The following TRA2A variants were observed in gnomAD, a reference collection of about 807,000 sequenced individuals.
The protein encoded by TRA2A is transformer-2 protein homolog alpha.
In TRA2A, 31 loss-of-function variants were observed where a neutral mutation model predicts 45.7. The observed-to-expected ratio is 0.68, with a 90% CI of 0.51 to 0.92. The LOEUF is 0.92. TRA2A is among the 40% of genes least tolerant of loss of function. The probability of loss-of-function intolerance (pLI) is 0.00; values close to 1 mark genes in which losing one functional copy is unlikely to be tolerated. For missense variants in TRA2A, 304 were observed against 367.5 expected (o/e 0.83, Z 1.41); for synonymous variants, 132 against 126.2 (o/e 1.05, Z -0.31).
chr7:23,517,503 A>AAAAAAGAG (rs764849438), intron 2 of TRA2A, among the ~76,000 whole-genome samples: 1 of 116,254 alleles, frequency 8.6e-6, no homozygotes, highest in Admixed American at 1.0e-4. Context: ...AAAAAAAAAA[A>AAAAAAGAG]AGAGAGAAAG....
chr7:23,526,592 G>A (rs1461766034), intron 1 of TRA2A, among the ~76,000 whole-genome samples: 1 of 152,098 alleles, frequency 6.6e-6, no homozygotes, highest in Non-Finnish European at 1.5e-5. Context: ...TCAGCCTATA[G>A]AAAGAACAAC....
intron 7 of TRA2A, 69 bp downstream of exon 7, chr7:23,505,671 TATACTC>T: frequency 1.0e-6 from 1 of 955,644 alleles, no homozygotes. Flanking sequence ...CCTTCCACCT[TATACTC>T]TAATATTCTA....
Position 23,517,060 on chromosome 7 carries a change from G to C in TRA2A, c.171-532C>G, listed in dbSNP as rs1374254329. ...GAGGCAGAGGTTGCAAGCCGAGATT[G>C]CGCCACCGCACTCCAGCATGGTAAC... On this transcript the variant is annotated intron_variant, in intron 2 of 7. Transcript: ENST00000297071. Among the ~76,000 whole-genome samples, 3 of 151,918 alleles carry C rather than the reference G, an allele frequency of 2.0e-5. No homozygotes were observed. The South Asian group carries it at 6.2e-4, about 32-fold the overall frequency.
At chr7:23,528,927 G>A (rs931224371) in intron 1 of TRA2A, among the ~76,000 whole-genome samples, 4 of 152,106 alleles carry the variant, frequency 2.6e-5, no homozygotes, top group Admixed American at 6.6e-5. Flanking sequence ...CTCTTCAACT[G>A]TAGAAAACAT....
At chr7:23,518,262 TTTCCAA>T (rs2127996844) in intron 2 of TRA2A, among the ~76,000 whole-genome samples, 1 of 152,136 alleles carries the variant, frequency 6.6e-6, no homozygotes, top group South Asian at 2.1e-4. Context: ...ATCATTTCCA[TTTCCAA>T]TTCTTCTTTA....
chr7:23,527,502 G>A (rs1281784339), intron 1 of TRA2A, among the ~76,000 whole-genome samples: 2 of 152,016 alleles, frequency 1.3e-5, no homozygotes, highest in African/African-American at 4.8e-5. Flanking sequence ...TTATCTAATG[G>A]GTGAGCACCC....
intron 1 of TRA2A, among the ~76,000 whole-genome samples, chr7:23,528,406 C>A (rs1790428214): frequency 6.6e-6 from 1 of 152,078 alleles, no homozygotes; most frequent in African/African-American, 2.4e-5. Context: ...CTGTATTTCA[C>A]CATATTGGCC....
chr7:23,519,029 T>C (rs765442427), intron 2 of TRA2A, among the ~76,000 whole-genome samples: 1 of 152,178 alleles, frequency 6.6e-6, no homozygotes, highest in Non-Finnish European at 1.5e-5. Flanking sequence ...ATTTCACTTG[T>C]CTACTGCTGC....
intron 4 of TRA2A, among the ~76,000 whole-genome samples, chr7:23,509,062 TCTCAAACTCCTGGG>T (rs1178554954): frequency 6.6e-6 from 1 of 151,884 alleles, no homozygotes; most frequent in Non-Finnish European, 1.5e-5. Context: ...CCCAGGCTGG[TCTCAAACTCCTGGG>T]CTCAAGTAAA....
rs1789399321 is a variant in TRA2A, at chr7:23,507,546, C to G, written c.526-11G>C. ...TGCCCTTTCCATAGCCTATAAAGAA[C>G]AGGCACAAAAAGTCACGTATAATTC... is the stretch of plus-strand genomic sequence containing the variant. On this transcript the variant is annotated splice_polypyrimidine_tract_variant and intron_variant, in intron 4 of 7. Transcript: ENST00000297071. 6.3e-7 allele frequency: 1 copy of G among 1,598,802 alleles called. No individual in the cohort carries two copies. Among genetic ancestry groups the G allele is most frequent in the Non-Finnish European group, 8.6e-7 (1 of 1,166,462 alleles).
intron 2 of TRA2A, among the ~76,000 whole-genome samples, chr7:23,520,707 TA>T (rs1388847614): frequency 3.5e-3 from 330 of 93,198 alleles, no homozygotes; most frequent in Middle Eastern, 0.011. Context: ...TTTTTTTTTT[TA>T]AAAAGAAAGA....
Position 23,531,839 on chromosome 7 carries a change from C to G in TRA2A, c.-15G>C. 6.2e-7 allele frequency: 1 copy of G among 1,613,584 alleles called. No individual in the cohort carries two copies. Among genetic ancestry groups the G allele is most frequent in the Non-Finnish European group, 8.5e-7 (1 of 1,179,964 alleles). On this transcript the variant is annotated 5_prime_UTR_variant, in exon 1 of 8. Coordinates refer to ENST00000297071, the MANE Select transcript of TRA2A (RefSeq NM_013293.5). ...ACATCACTCATGTCGACGAGGCGCT[C>G]CCCAGAACTAAATAAGAGACAAGTC...
At position 23,506,275 on chromosome 7, in the gene TRA2A, A is replaced by G. The variant is rs1182594782; in HGVS notation, c.642-9T>C. The G allele has an allele frequency of 6.3e-7, 1 of 1,595,196 alleles. No individual in the cohort carries two copies. The highest frequency in any genetic ancestry group is 8.5e-7 in the Non-Finnish European group (1 of 1,170,696). On this transcript the variant is annotated splice_polypyrimidine_tract_variant and intron_variant, in intron 5 of 7. Transcript: ENST00000297071. ...CACCACCCCCACCACTACTGCAGAA[A>G]AATGTAAAAATTCTCCATTAGTGTG...
intron 1 of TRA2A, among the ~76,000 whole-genome samples, chr7:23,526,452 T>C (rs1428038687): frequency 6.6e-6 from 1 of 152,188 alleles, no homozygotes; most frequent in Non-Finnish European, 1.5e-5. Flanking sequence ...CACTAGTGCA[T>C]TGAGGAAAAT....
At chr7:23,528,878 G>C (rs4722237) in intron 1 of TRA2A, among the ~76,000 whole-genome samples, 62,679 of 151,768 alleles carry the variant, frequency 0.41, 13,947 homozygotes, top group African/African-American at 0.58. Context: ...GAAGCCAGAA[G>C]AAATCCTGAA....
chr7:23,518,070 C>T (rs1789968060), intron 2 of TRA2A, among the ~76,000 whole-genome samples: 1 of 151,918 alleles, frequency 6.6e-6, no homozygotes, highest in African/African-American at 2.4e-5. Flanking sequence ...TCCCAGACAG[C>T]TAGGACTACA....
At position 23,516,504 on chromosome 7, in the gene TRA2A, A is replaced by G. The variant is rs376306123; in HGVS notation, c.195T>C (p.His65=). 39 of 1,614,086 alleles carry G rather than the reference A, an allele frequency of 2.4e-5. No homozygotes were observed. The highest frequency in any genetic ancestry group is 1.6e-4 in the Middle Eastern group (1 of 6,084). Residue 65 remains histidine (H), a synonymous_variant, in exon 3 of 8, where the codon CAT becomes CAC. Coordinates refer to ENST00000297071, the MANE Select transcript of TRA2A (RefSeq NM_013293.5). ...GGGATCTGGATCGAGTGTAACGTCT[A>G]TGAGAATGTCTCCTTGACCTCGACC... ...KSRSRSRRHS[H]RRYTRSRSHS...
rs189991515 is a variant in TRA2A at position 23,516,345 on chromosome 7, C to T, written c.336+18G>A. The T allele has an allele frequency of 2.8e-4, 444 of 1,613,220 alleles. 1 individual carries two copies. In the East Asian group the frequency reaches 9.0e-3, roughly 33 times the overall value. ...AAAAGAGAAAATAAGTCTTCATTAA[C>T]TTTTATAAACCACGTACCCTGCTGC... On this transcript the variant is annotated intron_variant, in intron 3 of 7. Transcript: ENST00000297071.
chr7:23,512,031 A>C (rs1376460370), intron 4 of TRA2A, among the ~76,000 whole-genome samples: 1 of 152,214 alleles, frequency 6.6e-6, no homozygotes, highest in Non-Finnish European at 1.5e-5. Context: ...GCTTATTCAA[A>C]AGAGAACACT....
Sources: gnomAD v4.1 joint callset for allele counts (sites outside exome capture counted in the v4.1 genomes callset) on GRCh38, gnomAD v4.1.1 for gene constraint, MANE v1.5 for transcripts, NCBI Gene and HGNC (gene_info 2026-07-23, HGNC 2026-07-21) for gene names.